Variants in IKBKB observed in about 807,000 individuals in gnomAD.
The protein encoded by IKBKB is inhibitor of nuclear factor kappa-B kinase subunit beta.
IKBKB carries 42 observed loss-of-function variants against 113.6 expected under a neutral mutation model. The ratio of observed to expected loss-of-function variants is 0.37; its 90% CI spans 0.29 to 0.48. IKBKB has a LOEUF of 0.48. Ranked by LOEUF, IKBKB falls within the 20% of genes least tolerant of loss-of-function variation. IKBKB has a pLI of 0.99. For synonymous variants in IKBKB, 296 were observed against 361.3 expected, an observed-to-expected ratio of 0.82 and a Z score of 2.05; for missense variants, 673 against 939.7, an observed-to-expected ratio of 0.72 and a Z score of 3.71.
Position 42,322,327 on chromosome 8 carries a change from G to T in IKBKB, c.1839-20G>T, listed in dbSNP as rs201518276. The T allele has an allele frequency of 4.0e-5, 65 of 1,613,688 alleles. No homozygotes were observed. Among genetic ancestry groups the T allele is most frequent in the Non-Finnish European group, 5.3e-5 (63 of 1,179,954 alleles). On this transcript the variant is annotated intron_variant, in intron 18 of 21. Transcript: ENST00000520810. ...TCTCCAGCCCAAATGCCATTAGTTT[G>T]CCATGTTTATTCTTTGCAGTAAAAC...
At chr8:42,325,753 G>A in intron 19 of IKBKB, 1 of 1,360,018 alleles carries the variant, frequency 7.4e-7, no homozygotes, top group East Asian at 3.0e-5. Context: ...CTTAAATTTA[G>A]AATCCTTTCC....
chr8:42,271,973 T>G, intron 1 of IKBKB, 110 bp from the exon 2 acceptor site: 2 of 1,167,240 alleles, frequency 1.7e-6, no homozygotes, highest in Non-Finnish European at 2.4e-6. Context: ...CCAGTTGTAT[T>G]TTTCTTCTCT....
chr8:42,303,579 A>G (rs181420585), intron 5 of IKBKB, among the ~76,000 whole-genome samples: 24 of 151,402 alleles, frequency 1.6e-4, no homozygotes, highest in Admixed American at 1.6e-3. Context: ...ATCTCGGCTC[A>G]CTGCAACCTC....
rs1334742904 is a variant in IKBKB, at chr8:42,298,971, C to T, written c.388+5459C>T. Among the ~76,000 whole-genome samples the T allele has an allele frequency of 1.3e-5, 2 of 152,078 alleles. 1 individual carries two copies. Among genetic ancestry groups the T allele is most frequent in the South Asian group, 4.2e-4 (2 of 4,810 alleles). ...CCTGCGCTGGCTGCCCGCTGCTCCT[C>T]GACGTTCTGTTTCCCTGGCCGTTCT... On this transcript the variant is annotated intron_variant, in intron 5 of 21. Transcript: ENST00000520810.
At position 42,305,271 on chromosome 8, in the gene IKBKB, A is replaced by T; in HGVS notation, c.473A>T (p.Gln158Leu). Residue 158 changes from glutamine (Q) to leucine (L), a missense_variant, in exon 6 of 22, where the codon CAG (glutamine) becomes CTG (leucine). By Grantham distance (113) the Gln-to-Leu change is moderately radical. Coordinates refer to ENST00000520810, the MANE Select transcript of IKBKB (RefSeq NM_001556.3). ...AACATCGTCCTGCAGCAAGGAGAACAGAGGGTAAGTGACCTCCTGGGACTG... is the reference window on the plus strand; with the variant it reads ...AACATCGTCCTGCAGCAAGGAGAACTGAGGGTAAGTGACCTCCTGGGACTG... ...PENIVLQQGE[Q>L]RLIHKIIDLG... The T allele has an allele frequency of 6.2e-7, 1 of 1,609,378 alleles. No homozygotes were observed.
At chr8:42,284,580 T>C (rs1811021066) in intron 2 of IKBKB, among the ~76,000 whole-genome samples, 2 of 140,778 alleles carry the variant, frequency 1.4e-5, no homozygotes, top group Admixed American at 1.4e-4. Flanking sequence ...AGACTCCGTC[T>C]CAAAAAAAAA....
At position 42,290,195 on chromosome 8, in the gene IKBKB, T is replaced by C; in HGVS notation, c.240T>C (p.Pro80=). The change falls in exon 4 of 22, where the codon CCT becomes CCC. Residue 80 remains proline (P), a synonymous_variant. Coordinates refer to ENST00000520810, the MANE Select transcript of IKBKB (RefSeq NM_001556.3). ...ATGTGGTGGCTGCCCGAGATGTCCC[T>C]GAGGGGATGCAGAACTTGGCGCCCA... ...HPNVVAARDV[P]EGMQNLAPND... is the part of the protein sequence containing the mutation. The C allele has an allele frequency of 1.2e-6, 2 of 1,613,832 alleles. No individual in the cohort carries two copies. Among genetic ancestry groups the C allele is most frequent in the African/African-American group, 1.3e-5 (1 of 75,022 alleles).
intron 20 of IKBKB, among the ~76,000 whole-genome samples, chr8:42,326,723 T>G (rs1820811556): frequency 6.6e-6 from 1 of 152,208 alleles, no homozygotes; most frequent in African/African-American, 2.4e-5. Context: ...GGGCCAGCAG[T>G]GCATCATCAA....
intron 2 of IKBKB, chr8:42,272,474 T>G: frequency 1.7e-6 from 1 of 581,220 alleles, no homozygotes; most frequent in South Asian, 2.3e-5. Context: ...AACAGTAGAA[T>G]ATCATGTACT....
chr8:42,271,676 G>A (rs1164409745), intron 1 of IKBKB: 1 of 532,126 alleles, frequency 1.9e-6, no homozygotes, highest in Non-Finnish European at 3.3e-6. Context: ...GCTTTGAGGG[G>A]AACCTGCGAT....
At chr8:42,326,251 A>G in intron 20 of IKBKB, 154 bp downstream of exon 20, 1 of 888,780 alleles carries the variant, frequency 1.1e-6, no homozygotes, top group Admixed American at 2.8e-5. Context: ...GACAAAAGTG[A>G]TACATGTTTG....
At chr8:42,319,695 T>C (rs1036914890) in intron 15 of IKBKB, 49 bp downstream of exon 15, 1 of 1,445,700 alleles carries the variant, frequency 6.9e-7, no homozygotes, top group African/African-American at 1.4e-5. Flanking sequence ...GGTGAGATTT[T>C]GTGCTCCCAC....
rs1005259086 is a variant in IKBKB, at chr8:42,298,541, A to G, written c.388+5029A>G. 4 of 915,878 alleles carry G rather than the reference A, an allele frequency of 4.4e-6. No individual in the cohort carries two copies. In the African/African-American group the frequency reaches 7.2e-5, roughly 16 times the overall value. 56.7% of individuals were successfully genotyped at this position (915,878 alleles called of 1,614,324 possible). A position where few individuals can be genotyped will look rare whatever the true frequency, so the allele number is the denominator to read the frequency against. Reference sequence around the variant, plus strand: ...CTGACTGGTTCCATTGCATGCATCCATCTGACTGAAGTGTGGATTATAGCA... The same window carrying G: ...CTGACTGGTTCCATTGCATGCATCCGTCTGACTGAAGTGTGGATTATAGCA... On this transcript the variant is annotated intron_variant, in intron 5 of 21. Transcript: ENST00000520810.
At chr8:42,278,792 C>T (rs552055290) in intron 2 of IKBKB, among the ~76,000 whole-genome samples, 52 of 152,122 alleles carry the variant, frequency 3.4e-4, no homozygotes, top group African/African-American at 1.1e-3. Context: ...GTTGGGAGTT[C>T]GAGACCAGCC....
Position 42,329,104 on chromosome 8 carries a change from AATTTGATC to A in IKBKB, c.2115-15_2115-8del. The A allele has an allele frequency of 6.3e-7, 1 of 1,593,978 alleles. No homozygotes were observed. The highest frequency in any genetic ancestry group is 8.6e-7 in the Non-Finnish European group (1 of 1,169,192). On this transcript the variant is annotated splice_polypyrimidine_tract_variant and intron_variant, in intron 20 of 21. Transcript: ENST00000520810. ...TAACTAATAATGACCACTTTCTAATAATTTGATCATTTTCTTTAGTGAAGAACTGGTGG... is the reference window on the plus strand; with the variant it reads ...TAACTAATAATGACCACTTTCTAATAATTTTCTTTAGTGAAGAACTGGTGG...
chr8:42,289,668 A>T (rs1175712089), intron 3 of IKBKB, among the ~76,000 whole-genome samples: 1 of 152,136 alleles, frequency 6.6e-6, no homozygotes, highest in Non-Finnish European at 1.5e-5. Flanking sequence ...TCATGGTTCC[A>T]TTTGGTTACA....
chr8:42,294,518 TCTC>T (rs1215016370), intron 5 of IKBKB, among the ~76,000 whole-genome samples: 1 of 152,106 alleles, frequency 6.6e-6, no homozygotes, highest in African/African-American at 2.4e-5. Flanking sequence ...GTGGGTCTGG[TCTC>T]TTCCTGACTG....
intron 3 of IKBKB, 74 bp from the exon 4 acceptor site, chr8:42,290,082 A>C (rs1488305048): frequency 1.1e-4 from 115 of 1,042,606 alleles, no homozygotes; most frequent in Non-Finnish European, 4.5e-6. Context: ...TTTGTTGCTG[A>C]GACCTGGTGG....
At chr8:42,275,898 G>A (rs1257600916) in intron 2 of IKBKB, among the ~76,000 whole-genome samples, 1 of 152,004 alleles carries the variant, frequency 6.6e-6, no homozygotes, top group Non-Finnish European at 1.5e-5. Context: ...CTGGAGTGCA[G>A]TGGCATGATC....
Sources: gnomAD v4.1 joint callset for allele counts (sites outside exome capture counted in the v4.1 genomes callset) on GRCh38, gnomAD v4.1.1 for gene constraint, MANE v1.5 for transcripts, NCBI Gene and HGNC (gene_info 2026-07-23, HGNC 2026-07-21) for gene names.